ST6GALNAC2: variants seen among roughly 807,000 people sequenced by gnomAD.
ST6GALNAC2 encodes ST6 N-acetylgalactosaminide alpha-2,6-sialyltransferase 2.
A neutral mutation model predicts 38.7 loss-of-function variants in ST6GALNAC2; 42 were observed. The observed-to-expected ratio is 1.09, with a 90% CI of 0.85 to 1.40. ST6GALNAC2 has a LOEUF of 1.40. Ranked by LOEUF, ST6GALNAC2 falls within the 40% of genes most tolerant of loss-of-function variation. ST6GALNAC2 has a pLI of 0.00. For synonymous variants in ST6GALNAC2, 233 were observed against 209.0 expected, an observed-to-expected ratio of 1.11 and a Z score of -0.99; for missense variants, 506 against 481.7, an observed-to-expected ratio of 1.05 and a Z score of -0.47.
chr17:76,582,338 A>ACTTT (rs563433421), intron 1 of ST6GALNAC2, among the ~76,000 whole-genome samples: 5 of 115,350 alleles, frequency 4.3e-5, no homozygotes, highest in African/African-American at 1.7e-4. Context: ...ATGCCTGGCT[A>ACTTT]TTTTTTTTTT....
intron 3 of ST6GALNAC2, 142 bp downstream of exon 3, chr17:76,574,223 G>T: frequency 2.0e-6 from 2 of 998,954 alleles, no homozygotes; most frequent in Non-Finnish European, 2.9e-6. Context: ...GAGTTGCATA[G>T]CTGGGGCTTC....
At position 76,585,683 on chromosome 17, in the gene ST6GALNAC2, C is replaced by A; in HGVS notation, c.125+1G>T. The A allele has an allele frequency of 2.6e-6, 4 of 1,525,144 alleles. No individual in the cohort carries two copies. The highest frequency in any genetic ancestry group is 3.5e-6 in the Non-Finnish European group (4 of 1,140,968). 94.5% of individuals were successfully genotyped at this position (1,525,144 alleles called of 1,614,324 possible). A position where few individuals can be genotyped will look rare whatever the true frequency, so the allele number is the denominator to read the frequency against. ...CCCGCTCTGCGCTCGGCAGCCCCTA[C>A]CTGGCTCCGGCCGCTGGCCCCGGGT... On this transcript the variant is annotated splice_donor_variant, in intron 1 of 8. Transcript: ENST00000225276. LOFTEE classifies it high-confidence loss of function.
chr17:76,569,033 G>A (rs1161635654), intron 6 of ST6GALNAC2: 1 of 125,784 alleles, frequency 8.0e-6, no homozygotes, highest in Non-Finnish European at 1.6e-5. Context: ...GAGGAGGGGG[G>A]CATGAACAGA....
rs1338569369 is a variant in ST6GALNAC2, at chr17:76,570,332, A to G, written c.773+233T>C. On this transcript the variant is annotated intron_variant, in intron 6 of 8. Transcript: ENST00000225276. The stretch of plus-strand genomic sequence containing the variant: ...CCCACCCCCAGCCCACTGCCCCCAG[A>G]GGGCTACTGGGAACCCGGAGGGTCA... 5.8e-6 allele frequency: 3 copies of G among 520,166 alleles called. No individual in the cohort carries two copies. The African/African-American group carries it at 5.8e-5, about 10-fold the overall frequency. The allele number at this position is 520,166 out of a possible 1,614,324, so 32.2% of individuals were successfully genotyped here. A position where few individuals can be genotyped will look rare whatever the true frequency, so the allele number is the denominator to read the frequency against.
At chr17:76,567,799 A>G (rs911287863) in intron 7 of ST6GALNAC2, 1 of 450,082 alleles carries the variant, frequency 2.2e-6, no homozygotes, top group Non-Finnish European at 4.1e-6. Flanking sequence ...ACCCCAAGCT[A>G]CTAAGTAACC....
chr17:76,579,146 C>G (rs559134879), intron 1 of ST6GALNAC2, among the ~76,000 whole-genome samples: 2 of 152,162 alleles, frequency 1.3e-5, no homozygotes, highest in South Asian at 4.1e-4. Flanking sequence ...CTCGAACTCC[C>G]GACTTCAGGT....
intron 2 of ST6GALNAC2, among the ~76,000 whole-genome samples, chr17:76,575,970 A>AT (rs771904294): frequency 1.3e-5 from 2 of 152,380 alleles, no homozygotes; most frequent in Non-Finnish European, 2.9e-5. Flanking sequence ...GTAGCTGGGC[A>AT]TGGGGGCTCA....
At chr17:76,571,031 A>G (rs111981369) in intron 5 of ST6GALNAC2, 10 of 191,110 alleles carry the variant, frequency 5.2e-5, no homozygotes, top group Admixed American at 1.7e-4. Context: ...GTTAGCTGCC[A>G]TGTCGTGAGG....
At chr17:76,567,632 G>C in intron 7 of ST6GALNAC2, 80 bp from the exon 8 acceptor site, 3 of 967,814 alleles carry the variant, frequency 3.1e-6, no homozygotes, top group Non-Finnish European at 4.9e-6. Context: ...CAAATAGGTG[G>C]GAAAACTTCA....
chr17:76,576,506 G>A (rs969413975), intron 2 of ST6GALNAC2, among the ~76,000 whole-genome samples: 4 of 152,164 alleles, frequency 2.6e-5, no homozygotes, highest in East Asian at 1.9e-4. Flanking sequence ...TGAAATCGGA[G>A]GGAATTGTGC....
intron 1 of ST6GALNAC2, 97 bp downstream of exon 1, chr17:76,585,587 C>G: frequency 7.4e-7 from 1 of 1,355,920 alleles, no homozygotes; most frequent in Non-Finnish European, 9.5e-7. Flanking sequence ...GGAGGTTGGG[C>G]TGAGGGCTGC....
chr17:76,569,500 G>A (rs2075327825), intron 6 of ST6GALNAC2: 1 of 198,624 alleles, frequency 5.0e-6, no homozygotes. Context: ...TGGGGTGGGA[G>A]GGTGGGAGGG....
intron 2 of ST6GALNAC2, among the ~76,000 whole-genome samples, chr17:76,576,090 G>A (rs995935828): frequency 4.6e-5 from 7 of 151,978 alleles, no homozygotes; most frequent in African/African-American, 1.2e-4. Flanking sequence ...GCAAAAAAAT[G>A]TTTTTTCATT....
intron 8 of ST6GALNAC2, 72 bp from the exon 9 acceptor site, chr17:76,566,343 A>T: frequency 2.6e-6 from 4 of 1,532,872 alleles, no homozygotes; most frequent in Non-Finnish European, 3.6e-6. Flanking sequence ...GTGAAGTGAC[A>T]TGAGTTTAGA....
chr17:76,574,438 G>A lies in ST6GALNAC2; in HGVS notation c.288C>T (p.Leu96=). 1 of 1,613,950 alleles carries A rather than the reference G, an allele frequency of 6.2e-7. No homozygotes were observed. The highest frequency in any genetic ancestry group is 1.1e-5 in the South Asian group (1 of 91,082). The change falls in exon 3 of 9, where the codon CTC becomes CTT. Residue 96 remains leucine, a synonymous_variant. Coordinates refer to ENST00000225276, the MANE Select transcript of ST6GALNAC2 (RefSeq NM_006456.3). ...GGCGGTCCCAGAGCGCTGGGGTGAA[G>A]AGGTCCCCCCACAGCAGCACTGGAA... ...LSIPVLLWGD[L]FTPALWDRLS...
Position 76,573,089 on chromosome 17 carries a change from G to T in ST6GALNAC2, c.530+106C>A. 7.8e-7 allele frequency: 1 copy of T among 1,274,502 alleles called. No individual in the cohort carries two copies. The allele number at this position is 1,274,502 out of a possible 1,614,324, so 78.9% of individuals were successfully genotyped here. A position where few individuals can be genotyped will look rare whatever the true frequency, so the allele number is the denominator to read the frequency against. On this transcript the variant is annotated intron_variant, in intron 4 of 8. Transcript: ENST00000225276. This position sits in a 1 kb window ranked among gnomAD's most constrained non-coding sequence, Gnocchi z 5.1. ...TGCCCGTGTGCTGGTCACAACTGCT[G>T]AGCCGCCCAGGCCACTGCTGCCATA...
At chr17:76,582,354 G>GT (rs1567935515) in intron 1 of ST6GALNAC2, among the ~76,000 whole-genome samples, 1 of 31,914 alleles carries the variant, frequency 3.1e-5, no homozygotes, top group Non-Finnish European at 6.8e-5. Context: ...TTTTTTTTTG[G>GT]TATTTTTAGT....
At chr17:76,576,204 C>T (rs1376246814) in intron 2 of ST6GALNAC2, among the ~76,000 whole-genome samples, 1 of 152,116 alleles carries the variant, frequency 6.6e-6, no homozygotes, top group Non-Finnish European at 1.5e-5. Context: ...GCTACTGAGA[C>T]TGCACTGCAG....
At chr17:76,580,784 T>G (rs975837302) in intron 1 of ST6GALNAC2, among the ~76,000 whole-genome samples, 20 of 152,036 alleles carry the variant, frequency 1.3e-4, no homozygotes, top group Non-Finnish European at 2.6e-4. Context: ...TCTCTAAATA[T>G]TATTTTTACC....
Sources: allele counts gnomAD v4.1 joint callset (sites outside exome capture counted in the v4.1 genomes callset), GRCh38; gene constraint gnomAD v4.1.1; non-coding constraint Gnocchi (gnomAD v3.1); transcripts MANE v1.5; gene names NCBI Gene and HGNC (gene_info 2026-07-23, HGNC 2026-07-21).